Variants in CNTN3 observed in about 807,000 individuals in gnomAD.
The protein encoded by CNTN3 is contactin-3.
CNTN3 carries 60 observed loss-of-function variants against 119.1 expected under a neutral mutation model. That is an observed-to-expected ratio of 0.50 (90% confidence interval 0.41 to 0.62). CNTN3 has a LOEUF of 0.62. CNTN3 is among the 20% of genes least tolerant of loss of function. CNTN3 has a pLI of 0.00. For missense variants in CNTN3, 1,101 were observed against 1,242.4 expected, an observed-to-expected ratio of 0.89 and a Z score of 1.71; for synonymous variants, 450 against 438.7, an observed-to-expected ratio of 1.03 and a Z score of -0.32.
intron 1 of CNTN3, among the ~76,000 whole-genome samples, chr3:74,595,077 TGG>T: frequency 6.6e-6 from 1 of 152,070 alleles, no homozygotes; most frequent in Non-Finnish European, 1.5e-5. Flanking sequence ...ATGTGTCTTT[TGG>T]CTGCATAAAT....
chr3:74,510,417 C>T (rs1447063724), intron 2 of CNTN3, among the ~76,000 whole-genome samples: 1 of 152,018 alleles, frequency 6.6e-6, no homozygotes, highest in African/African-American at 2.4e-5. Flanking sequence ...TTCTGAGTAC[C>T]ATCAGTACAG....
At chr3:74,412,551 T>C (rs1241182693) in intron 5 of CNTN3, among the ~76,000 whole-genome samples, 1 of 152,178 alleles carries the variant, frequency 6.6e-6, no homozygotes, top group African/African-American at 2.4e-5. Context: ...GTCTCTCATA[T>C]TTGTAATCCC....
intron 13 of CNTN3, among the ~76,000 whole-genome samples, chr3:74,321,679 C>T (rs925649141): frequency 6.6e-6 from 1 of 152,018 alleles, no homozygotes; most frequent in East Asian, 1.9e-4. Flanking sequence ...AGAGAAGACA[C>T]AAATAACTAG....
At chr3:74,573,006 T>C (rs1575838623) in intron 1 of CNTN3, among the ~76,000 whole-genome samples, 1 of 152,202 alleles carries the variant, frequency 6.6e-6, no homozygotes, top group Non-Finnish European at 1.5e-5. Flanking sequence ...TGGATGTTCA[T>C]GGCCTCAGCT....
chr3:74,539,198 A>G (rs1165312032), intron 1 of CNTN3, among the ~76,000 whole-genome samples: 1 of 152,114 alleles, frequency 6.6e-6, no homozygotes, highest in African/African-American at 2.4e-5. Context: ...CAACAATTTA[A>G]TGTGCCATTT....
Position 74,572,181 on chromosome 3 carries a change from G to A in CNTN3, c.-81+42210C>T, listed in dbSNP as rs190373855. Reference sequence around the variant, plus strand: ...GTAAGTTCTCTTCTGTACTACTAGAGGAAGTGAAATTAGTACTACAACTTT... The same window carrying A: ...GTAAGTTCTCTTCTGTACTACTAGAAGAAGTGAAATTAGTACTACAACTTT... On this transcript the variant is annotated intron_variant, in intron 1 of 22. Coordinates refer to ENST00000263665, the MANE Select transcript of CNTN3 (RefSeq NM_020872.3). Among the ~76,000 whole-genome samples the A allele has an allele frequency of 2.7e-3, 418 of 152,252 alleles. 4 individuals are homozygous for A. The Middle Eastern group carries it at 0.054, about 20-fold the overall frequency.
chr3:74,549,046 A>T (rs1190237104), intron 1 of CNTN3, among the ~76,000 whole-genome samples: 1 of 152,210 alleles, frequency 6.6e-6, no homozygotes, highest in African/African-American at 2.4e-5. Context: ...TCAGACTGAT[A>T]CAATTTGACT....
chr3:74,499,535 A>C (rs747896601), intron 3 of CNTN3, 124 bp downstream of exon 3: 42 of 808,506 alleles, frequency 5.2e-5, no homozygotes, highest in Non-Finnish European at 7.6e-5. Flanking sequence ...ATATCATACA[A>C]CTATAGCTTC....
At chr3:74,480,998 T>C (rs1466725366) in intron 4 of CNTN3, among the ~76,000 whole-genome samples, 1 of 151,896 alleles carries the variant, frequency 6.6e-6, no homozygotes, top group African/African-American at 2.4e-5. Flanking sequence ...AATCAGACCG[T>C]ATTAATATAA....
chr3:74,578,465 T>A (rs1239518374), intron 1 of CNTN3, among the ~76,000 whole-genome samples: 1 of 152,016 alleles, frequency 6.6e-6, no homozygotes, highest in Non-Finnish European at 1.5e-5. Flanking sequence ...AGAGGACTTT[T>A]CTTACATACA....
chr3:74,581,138 AG>A (rs1704498282), intron 1 of CNTN3, among the ~76,000 whole-genome samples: 1 of 152,238 alleles, frequency 6.6e-6, no homozygotes, highest in African/African-American at 2.4e-5. Context: ...TACAAGGAGT[AG>A]TAAGTCAAAC....
chr3:74,595,641 C>A (rs555091855), intron 1 of CNTN3, among the ~76,000 whole-genome samples: 1 of 152,060 alleles, frequency 6.6e-6, no homozygotes, highest in African/African-American at 2.4e-5. Flanking sequence ...ATTCAACAAC[C>A]CTTCTTGCTA....
intron 1 of CNTN3, among the ~76,000 whole-genome samples, chr3:74,584,562 G>A (rs761587464): frequency 3.3e-5 from 5 of 152,054 alleles, no homozygotes; most frequent in Non-Finnish European, 5.9e-5. Flanking sequence ...ACAAGCAGAT[G>A]CCAGCACCAT....
chr3:74,508,400 C>T (rs766457107), intron 2 of CNTN3, among the ~76,000 whole-genome samples: 4 of 152,114 alleles, frequency 2.6e-5, no homozygotes, highest in Non-Finnish European at 4.4e-5. Context: ...TGGACTATTA[C>T]AACAACTTTC....
At chr3:74,432,070 T>G in intron 4 of CNTN3, among the ~76,000 whole-genome samples, 1 of 152,334 alleles carries the variant, frequency 6.6e-6, no homozygotes, top group Non-Finnish European at 1.5e-5. Context: ...CTTTAATGTT[T>G]AATGTTGAAA....
intron 4 of CNTN3, among the ~76,000 whole-genome samples, chr3:74,448,088 A>G (rs2106941485): frequency 6.6e-6 from 1 of 152,246 alleles, no homozygotes; most frequent in African/African-American, 2.4e-5. Context: ...GCAGAATTCT[A>G]AGGTTTTTAA....
chr3:74,436,605 T>C (rs990297502), intron 4 of CNTN3, among the ~76,000 whole-genome samples: 1 of 152,092 alleles, frequency 6.6e-6, no homozygotes, highest in Non-Finnish European at 1.5e-5. Flanking sequence ...TGATGAAATA[T>C]GAATATGAAA....
intron 1 of CNTN3, among the ~76,000 whole-genome samples, chr3:74,533,996 T>C (rs1156483545): frequency 6.6e-6 from 1 of 152,026 alleles, no homozygotes; most frequent in Non-Finnish European, 1.5e-5. Flanking sequence ...ATGACAATCA[T>C]GTCAAGGTGA....
At chr3:74,282,527 C>T (rs902480672) in intron 20 of CNTN3, among the ~76,000 whole-genome samples, 2 of 152,144 alleles carry the variant, frequency 1.3e-5, no homozygotes, top group African/African-American at 4.8e-5. Flanking sequence ...GGCACTGTGG[C>T]TGGGTAAATA....
Sources: allele counts gnomAD v4.1 joint callset (sites outside exome capture counted in the v4.1 genomes callset), GRCh38; gene constraint gnomAD v4.1.1; transcripts MANE v1.5; gene names NCBI Gene and HGNC (gene_info 2026-07-23, HGNC 2026-07-21).